RIMS1: variants seen among roughly 807,000 people sequenced by gnomAD.
RIMS1 encodes the protein regulating synaptic membrane exocytosis 1.
RIMS1 carries 83 observed loss-of-function variants against 214.1 expected under a neutral mutation model. The ratio of observed to expected loss-of-function variants is 0.39; its 90% confidence interval spans 0.32 to 0.47. RIMS1 has a LOEUF of 0.47. Ranked by LOEUF, RIMS1 falls within the 20% of genes least tolerant of loss-of-function variation. The probability of loss-of-function intolerance (pLI) is 0.99; values close to 1 mark genes in which losing one functional copy is unlikely to be tolerated. For synonymous variants in RIMS1, 793 were observed against 786.8 expected, an observed-to-expected ratio of 1.01 and a Z score of -0.13; for missense variants, 2,050 against 2,161.8, an observed-to-expected ratio of 0.95 and a Z score of 1.03.
At chr6:72,306,120 A>G (rs550897692) in intron 26 of RIMS1, among the ~76,000 whole-genome samples, 6 of 152,254 alleles carry the variant, frequency 3.9e-5, no homozygotes, top group African/African-American at 1.4e-4. Context: ...TCCTTGTAAG[A>G]GATAAAATCA....
intron 2 of RIMS1, among the ~76,000 whole-genome samples, chr6:72,016,150 T>G (rs1435007085): frequency 6.6e-6 from 1 of 152,166 alleles, no homozygotes; most frequent in African/African-American, 2.4e-5. Flanking sequence ...CTTTGATAAG[T>G]TATATTTGGT....
At chr6:72,063,824 A>T (rs1295088622) in intron 2 of RIMS1, among the ~76,000 whole-genome samples, 6 of 152,208 alleles carry the variant, frequency 3.9e-5, no homozygotes, top group Non-Finnish European at 8.8e-5. Context: ...GGCTGCTGTA[A>T]CAAAGTACCA....
intron 29 of RIMS1, among the ~76,000 whole-genome samples, chr6:72,381,257 A>G (rs1421981228): frequency 6.6e-6 from 1 of 152,104 alleles, no homozygotes; most frequent in East Asian, 1.9e-4. Context: ...TAAGAACACC[A>G]GTCAAATTGG....
At chr6:72,180,032 C>T (rs2153967512) in intron 5 of RIMS1, 117 bp downstream of exon 5, 1 of 652,042 alleles carries the variant, frequency 1.5e-6, no homozygotes, top group Non-Finnish European at 2.4e-6. Context: ...TCTCAGGCCC[C>T]ACATGGAAAA....
chr6:72,316,738 C>T (rs2095821816), intron 28 of RIMS1: 3 of 659,588 alleles, frequency 4.5e-6, no homozygotes, highest in Admixed American at 3.8e-5. Context: ...CCTGGGGGCC[C>T]TCTGGTTTCA....
At chr6:72,274,491 T>C (rs2085157083) in intron 23 of RIMS1, 59 bp downstream of exon 23, 5 of 1,310,690 alleles carry the variant, frequency 3.8e-6, no homozygotes, top group Admixed American at 3.4e-5. Flanking sequence ...GGCCACCAAC[T>C]GAAGGATAAC....
intron 6 of RIMS1, among the ~76,000 whole-genome samples, chr6:72,215,978 C>G (rs1162563593): frequency 6.6e-6 from 1 of 152,180 alleles, no homozygotes; most frequent in Non-Finnish European, 1.5e-5. Context: ...AATTTTCTCT[C>G]TATCCTCATT....
At chr6:72,159,024 A>G (rs2044873259) in intron 4 of RIMS1, among the ~76,000 whole-genome samples, 1 of 140,532 alleles carries the variant, frequency 7.1e-6, no homozygotes, top group Admixed American at 7.3e-5. Context: ...CAACAGTGTA[A>G]GTGTTCCTAT....
At chr6:71,951,448 T>C (rs1353723936) in intron 1 of RIMS1, among the ~76,000 whole-genome samples, 2 of 151,604 alleles carry the variant, frequency 1.3e-5, no homozygotes, top group Non-Finnish European at 2.9e-5. Flanking sequence ...TCAAGTAGAG[T>C]AAAAGACCAT....
intron 1 of RIMS1, among the ~76,000 whole-genome samples, chr6:71,889,675 G>A (rs1769004230): frequency 6.6e-6 from 1 of 152,136 alleles, no homozygotes; most frequent in Non-Finnish European, 1.5e-5. Flanking sequence ...GACACTTTAT[G>A]TCTTAAAAAC....
chr6:71,989,021 A>G (rs1284842864), intron 2 of RIMS1, among the ~76,000 whole-genome samples: 3 of 152,172 alleles, frequency 2.0e-5, no homozygotes, highest in African/African-American at 7.2e-5. Flanking sequence ...GATTGCCAAC[A>G]CCAGTTTGTA....
intron 1 of RIMS1, among the ~76,000 whole-genome samples, chr6:71,924,630 C>CAAAA (rs1250868988): frequency 1.2e-4 from 9 of 76,196 alleles, no homozygotes; most frequent in South Asian, 1.2e-3. Flanking sequence ...CCCATCTCTG[C>CAAAA]AAAAAAAAAA....
At chr6:72,164,395 G>T (rs1218412512) in intron 4 of RIMS1, among the ~76,000 whole-genome samples, 2 of 152,052 alleles carry the variant, frequency 1.3e-5, no homozygotes, top group African/African-American at 4.8e-5. Flanking sequence ...TGCACCCACT[G>T]TCCTGCACCC....
intron 4 of RIMS1, among the ~76,000 whole-genome samples, chr6:72,144,029 T>C (rs2042396230): frequency 6.6e-6 from 1 of 152,196 alleles, no homozygotes; most frequent in Non-Finnish European, 1.5e-5. Flanking sequence ...GATAAAATTA[T>C]TGCATGAAAT....
intron 2 of RIMS1, among the ~76,000 whole-genome samples, chr6:72,021,680 A>G (rs1444148521): frequency 6.6e-6 from 1 of 152,170 alleles, no homozygotes; most frequent in African/African-American, 2.4e-5. Flanking sequence ...TCTCAGGTCT[A>G]ACAAGGTATA....
intron 2 of RIMS1, among the ~76,000 whole-genome samples, chr6:72,030,250 A>T (rs1261445229): frequency 6.6e-6 from 1 of 152,152 alleles, no homozygotes; most frequent in Non-Finnish European, 1.5e-5. Flanking sequence ...AGGTAATGTG[A>T]TGCTGTGGGT....
Position 72,259,048 on chromosome 6 carries a change from C to T in RIMS1, c.2990C>T (p.Ser997Phe), listed in dbSNP as rs958197650. The T allele has an allele frequency of 1.2e-6, 2 of 1,612,188 alleles. No individual in the cohort carries two copies. The highest frequency in any genetic ancestry group is 1.7e-6 in the Non-Finnish European group (2 of 1,178,592). ...SRSPTRHHDA[S>F]RSPVDHRTRD... ...TCTCCAACCAGACACCATGATGCCT[C>T]CCGAAGTCCAGTTGATCATAGAACC... Residue 997 changes from serine (S) to phenylalanine (F), a missense_variant, in exon 18 of 34, where the codon TCC (serine) becomes TTC (phenylalanine). Transcript: ENST00000521978.
intron 6 of RIMS1, among the ~76,000 whole-genome samples, chr6:72,225,354 T>C (rs995342810): frequency 6.6e-6 from 1 of 152,216 alleles, no homozygotes; most frequent in African/African-American, 2.4e-5. Flanking sequence ...TTCATTTATA[T>C]CACTAAAAGC....
intron 1 of RIMS1, among the ~76,000 whole-genome samples, chr6:71,908,538 G>A (rs1330059116): frequency 6.6e-6 from 1 of 152,168 alleles, no homozygotes; most frequent in Non-Finnish European, 1.5e-5. Context: ...CTGTCAGGGT[G>A]CAGTCAACTT....
Sources: gnomAD v4.1 joint callset for allele counts (sites outside exome capture counted in the v4.1 genomes callset) on GRCh38, gnomAD v4.1.1 for gene constraint, MANE v1.5 for transcripts, NCBI Gene and HGNC (gene_info 2026-07-23, HGNC 2026-07-21) for gene names.